CEP63: variants seen among roughly 807,000 people sequenced by gnomAD.
The protein encoded by CEP63 is centrosomal protein 63, also known as centrosomal protein of 63 kDa.
CEP63 carries 84 observed loss-of-function variants against 89.1 expected under a neutral mutation model. That is an observed-to-expected ratio of 0.94 (90% confidence interval 0.79 to 1.13). CEP63 has a LOEUF of 1.13. CEP63 is among the 50% of genes most tolerant of loss of function. CEP63 has a pLI of 0.00. For synonymous variants in CEP63, 267 were observed against 272.5 expected, an observed-to-expected ratio of 0.98 and a Z score of 0.20; for missense variants, 838 against 813.3, an observed-to-expected ratio of 1.03 and a Z score of -0.37.
downstream of CEP63, among the ~76,000 whole-genome samples, chr3:134,588,507 T>C (rs1376568979): frequency 2.0e-5 from 3 of 152,134 alleles, no homozygotes; most frequent in Admixed American, 1.3e-4. Flanking sequence ...TAAATCACAA[T>C]TGAAAGTAGA....
the CEP63 span, among the ~76,000 whole-genome samples, chr3:134,593,169 T>G: frequency 3.3e-5 from 5 of 152,206 alleles, no homozygotes; most frequent in Admixed American, 3.3e-4. Flanking sequence ...ATGGGATTTC[T>G]GCATTGAAAT....
chr3:134,742,975 G>T, the CEP63 span, among the ~76,000 whole-genome samples: 1 of 152,236 alleles, frequency 6.6e-6, no homozygotes, highest in Admixed American at 6.5e-5. Flanking sequence ...GAATCAGCTG[G>T]AACAGCCCAG....
the CEP63 span, among the ~76,000 whole-genome samples, chr3:134,726,459 GACAC>G: frequency 1.7e-4 from 8 of 47,036 alleles, no homozygotes; most frequent in Admixed American, 5.3e-4. Flanking sequence ...CACACAGACA[GACAC>G]ACACACACAC....
the CEP63 span, among the ~76,000 whole-genome samples, chr3:134,726,975 C>T: frequency 2.6e-5 from 4 of 151,198 alleles, no homozygotes; most frequent in African/African-American, 9.7e-5. Flanking sequence ...GACATGTCTT[C>T]CTCATGATCT....
intron 6 of CEP63, among the ~76,000 whole-genome samples, chr3:134,538,659 C>T (rs1951373349): frequency 6.6e-6 from 1 of 150,486 alleles, no homozygotes; most frequent in Non-Finnish European, 1.5e-5. Flanking sequence ...CTCCAGCAAT[C>T]CTTCCACCTT....
the CEP63 span, among the ~76,000 whole-genome samples, chr3:134,658,411 T>C: frequency 1.3e-5 from 2 of 152,220 alleles, no homozygotes; most frequent in Middle Eastern, 3.2e-3. Context: ...CTGTTGTATT[T>C]CGTAGCAAAG....
At chr3:134,558,789 A>G (rs1956768105) in intron 13 of CEP63, among the ~76,000 whole-genome samples, 1 of 152,142 alleles carries the variant, frequency 6.6e-6, no homozygotes, top group African/African-American at 2.4e-5. Context: ...TCCTACCCAA[A>G]GCCTTTGCTG....
At chr3:134,670,409 T>C in the CEP63 span, among the ~76,000 whole-genome samples, 3 of 152,156 alleles carry the variant, frequency 2.0e-5, no homozygotes, top group African/African-American at 4.8e-5. Context: ...TCTTAGATGG[T>C]CATAGTCAGA....
At chr3:134,712,502 T>C in the CEP63 span, among the ~76,000 whole-genome samples, 2 of 152,196 alleles carry the variant, frequency 1.3e-5, no homozygotes, top group Non-Finnish European at 2.9e-5. Context: ...ACTCCTTTTC[T>C]CTCTTCTTTT....
At chr3:134,524,105 C>G (rs963758080) in intron 3 of CEP63, among the ~76,000 whole-genome samples, 5 of 151,962 alleles carry the variant, frequency 3.3e-5, no homozygotes, top group Admixed American at 1.3e-4. Flanking sequence ...TTTTCACCTC[C>G]CTGGTTAGCT....
the CEP63 span, among the ~76,000 whole-genome samples, chr3:134,749,175 A>T: frequency 3.9e-5 from 6 of 152,372 alleles, no homozygotes; most frequent in East Asian, 9.6e-4. Flanking sequence ...AGCAGGTAAC[A>T]GAACCAGTTG....
At chr3:134,548,303 C>T (rs758674229) in intron 9 of CEP63, among the ~76,000 whole-genome samples, 17 of 152,312 alleles carry the variant, frequency 1.1e-4, no homozygotes, top group Non-Finnish European at 2.4e-4. Context: ...CTCCTTGCCA[C>T]CTCAGAAGCA....
chr3:134,694,225 C>T, the CEP63 span, among the ~76,000 whole-genome samples: 1 of 152,200 alleles, frequency 6.6e-6, no homozygotes, highest in Non-Finnish European at 1.5e-5. Flanking sequence ...CAGGTGTAGG[C>T]ACCCCCATGC....
the CEP63 span, among the ~76,000 whole-genome samples, chr3:134,775,666 G>A: frequency 1.3e-5 from 2 of 152,156 alleles, no homozygotes; most frequent in African/African-American, 2.4e-5. Flanking sequence ...TGATTCTGGG[G>A]TAGAGAATGG....
At chr3:134,722,360 C>G in the CEP63 span, among the ~76,000 whole-genome samples, 105 of 135,016 alleles carry the variant, frequency 7.8e-4, no homozygotes, top group Middle Eastern at 4.0e-3. Context: ...GTATAGTATT[C>G]TCCTATAATC....
At position 134,532,786 on chromosome 3, in the gene CEP63, A is replaced by T; in HGVS notation, c.327A>T (p.Ile109=). The T allele has an allele frequency of 1.9e-6, 3 of 1,602,284 alleles. No homozygotes were observed. Among genetic ancestry groups the T allele is most frequent in the Non-Finnish European group, 2.6e-6 (3 of 1,169,870 alleles). ...ELKKLHEELC[I]LKRSYEKLQK... ...AATAACTGTTTCTACAGTTATGCAT[A>T]CTGAAGAGAAGCTATGAAAAGCTTC... is the stretch of plus-strand genomic sequence containing the variant. Residue 109 remains isoleucine, a synonymous_variant, in exon 5 of 15, where the codon ATA becomes ATT. Coordinates refer to ENST00000675561, the MANE Select transcript of CEP63 (RefSeq NM_001353108.3).
At chr3:134,782,523 C>T in the CEP63 span, among the ~76,000 whole-genome samples, 1 of 152,088 alleles carries the variant, frequency 6.6e-6, no homozygotes, top group African/African-American at 2.4e-5. Context: ...CCATCCATAA[C>T]ATTATTTAAT....
At chr3:134,721,948 C>A in the CEP63 span, among the ~76,000 whole-genome samples, 1 of 151,958 alleles carries the variant, frequency 6.6e-6, no homozygotes, top group Non-Finnish European at 1.5e-5. Flanking sequence ...CTTGTGATAT[C>A]TTTGTCTGGT....
rs199930556 is a variant in CEP63, at chr3:134,557,376, G to GTT, written c.1468-739_1468-738dup. Among the ~76,000 whole-genome samples the GTT allele has an allele frequency of 1.3e-3, 135 of 101,480 alleles. 10 individuals are homozygous for GTT. Among genetic ancestry groups the GTT allele is most frequent in the African/African-American group, 3.1e-3 (62 of 20,316 alleles). The allele number at this position is 101,480 out of a possible 152,430, so 66.6% of individuals were successfully genotyped here. A position where few individuals can be genotyped will look rare whatever the true frequency, so the allele number is the denominator to read the frequency against. On this transcript the variant is annotated intron_variant, in intron 12 of 14. Transcript: ENST00000675561. ...CTTGACCAGCTTACTTTCATAATTT[G>GTT]TTTTTTTTTTTTTTTTTTTTTTTTT...
Sources: gnomAD v4.1 joint callset for allele counts (sites outside exome capture counted in the v4.1 genomes callset) on GRCh38, gnomAD v4.1.1 for gene constraint, MANE v1.5 for transcripts, NCBI Gene and HGNC (gene_info 2026-07-23, HGNC 2026-07-21) for gene names.